Variants in NUP98 observed in about 807,000 individuals in gnomAD.
The protein encoded by NUP98 is nucleoporin 98 and 96 precursor, also known as nuclear pore complex protein Nup98-Nup96.
Under a neutral mutation model 191.9 loss-of-function variants are expected in NUP98, and 26 were observed. The observed-to-expected ratio is 0.14, with a 90% CI of 0.10 to 0.19. The LOEUF (loss-of-function observed/expected upper bound fraction) is 0.19. NUP98 is among the 10% of genes least tolerant of loss of function. The pLI is 1.00. For synonymous variants in NUP98, 808 were observed against 778.4 expected (o/e 1.04, Z -0.63); for missense variants, 1,941 against 2,178.8 (o/e 0.89, Z 2.17).
chr11:3,707,857 T>C (rs1440415508), intron 20 of NUP98, among the ~76,000 whole-genome samples: 1 of 151,852 alleles, frequency 6.6e-6, no homozygotes, highest in East Asian at 1.9e-4. Context: ...TCCCAGCACT[T>C]TGGGAGACTG....
intron 25 of NUP98, among the ~76,000 whole-genome samples, chr11:3,698,765 T>C (rs1302110587): frequency 1.1e-4 from 16 of 148,508 alleles, no homozygotes; most frequent in Non-Finnish European, 2.1e-4. Flanking sequence ...ATGGTTCCTA[T>C]TCTATAGGAA....
intron 1 of NUP98, among the ~76,000 whole-genome samples, chr11:3,785,518 G>A (rs752585262): frequency 2.0e-5 from 3 of 152,170 alleles, no homozygotes; most frequent in Non-Finnish European, 4.4e-5. Flanking sequence ...CAGCACTTTG[G>A]GAGGCCAAGG....
At chr11:3,681,179 T>A (rs1032149502) in intron 30 of NUP98, among the ~76,000 whole-genome samples, 1 of 152,176 alleles carries the variant, frequency 6.6e-6, no homozygotes, top group African/African-American at 2.4e-5. Flanking sequence ...TAGCTGGGAA[T>A]ATAGGCACGC....
rs2080405085 is a variant in NUP98 at position 3,744,268 on chromosome 11, T to C, written c.1408+241A>G. Reference sequence around the variant, plus strand: ...AGCACATTTAGCGATATGAACTAAATTATATATCAGATGAATTAAAAATAG... The same window carrying C: ...AGCACATTTAGCGATATGAACTAAACTATATATCAGATGAATTAAAAATAG... On this transcript the variant is annotated intron_variant, in intron 12 of 32. Coordinates refer to ENST00000324932, the MANE Select transcript of NUP98 (RefSeq NM_016320.5). Among the ~76,000 whole-genome samples the C allele has an allele frequency of 2.0e-5, 3 of 152,144 alleles. No homozygotes were observed. In the South Asian group the frequency reaches 6.2e-4, roughly 31 times the overall value.
rs747503434 is a variant in NUP98, at chr11:3,676,324, A to G, written c.5238T>C (p.His1746=). ...NLLRVVLSLH[H]PPDRTSDSTP... is the part of the protein sequence containing the mutation. ...TTGAGTCGGAGGTTCTATCAGGAGG[A>G]TGATGCAGACTCAGCACCACGCGCA... Residue 1746 remains histidine, a synonymous_variant, in exon 33 of 33, where the codon CAT becomes CAC. Coordinates refer to ENST00000324932, the MANE Select transcript of NUP98 (RefSeq NM_016320.5). The G allele has an allele frequency of 2.5e-6, 4 of 1,614,024 alleles. No homozygotes were observed. In the South Asian group the frequency reaches 4.4e-5, roughly 18 times the overall value.
At chr11:3,758,788 A>T (rs2081064907) in intron 10 of NUP98, among the ~76,000 whole-genome samples, 1 of 148,116 alleles carries the variant, frequency 6.8e-6, no homozygotes, top group Non-Finnish European at 1.5e-5. Context: ...ACAGAGAGAG[A>T]CAGAGAGACA....
intron 12 of NUP98, among the ~76,000 whole-genome samples, chr11:3,743,373 G>A (rs1589856430): frequency 1.3e-5 from 2 of 150,146 alleles, no homozygotes; most frequent in South Asian, 2.1e-4. Flanking sequence ...TCGGCCTGGC[G>A]TGGTGGCTCA....
intron 4 of NUP98, among the ~76,000 whole-genome samples, chr11:3,776,325 A>G (rs1231541700): frequency 1.3e-5 from 2 of 151,300 alleles, no homozygotes; most frequent in East Asian, 2.0e-4. Flanking sequence ...GCCTTTTGCC[A>G]TGTTGCTCGG....
chr11:3,778,821 C>G, intron 4 of NUP98, 52 bp downstream of exon 4: 2 of 1,556,610 alleles, frequency 1.3e-6, no homozygotes, highest in East Asian at 2.2e-5. Context: ...ACAACACATT[C>G]AATAAGCAAA....
chr11:3,783,873 G>A (rs1444327159), intron 1 of NUP98, among the ~76,000 whole-genome samples: 1 of 151,358 alleles, frequency 6.6e-6, no homozygotes, highest in Admixed American at 6.6e-5. Context: ...AAACACCCAA[G>A]AATGATCAAT....
At chr11:3,795,472 G>A (rs2082496817) in intron 1 of NUP98, among the ~76,000 whole-genome samples, 1 of 151,976 alleles carries the variant, frequency 6.6e-6, no homozygotes, top group Non-Finnish European at 1.5e-5. Context: ...ATAAATGTCA[G>A]GGACCAAAGT....
rs2081855820 is a variant in NUP98 at position 3,779,025 on chromosome 11, A to C, written c.203T>G (p.Phe68Cys). 1.2e-6 allele frequency: 2 copies of C among 1,614,230 alleles called. No homozygotes were observed. ...GCTTGTGGAGGTAGCTGGCTGGCTA[A>C]ATGAACTGGTTCCAAACAATCCTCC... The part of the protein sequence containing the change: ...KPGGLFGTSS[F>C]SQPATSTSTG... The change falls in exon 4 of 33, where the codon TTT becomes TGT. Residue 68 changes from phenylalanine to cysteine, a missense_variant. By Grantham distance (205) the Phe-to-Cys change is radical. Coordinates refer to ENST00000324932, the MANE Select transcript of NUP98 (RefSeq NM_016320.5).
chr11:3,714,578 G>A (rs561537563), intron 18 of NUP98, among the ~76,000 whole-genome samples: 20 of 152,034 alleles, frequency 1.3e-4, no homozygotes, highest in East Asian at 3.9e-4. Context: ...CCTGCTTCCC[G>A]GAGCCCCTGG....
intron 14 of NUP98, among the ~76,000 whole-genome samples, chr11:3,728,869 AG>A (rs1485908430): frequency 1.3e-5 from 2 of 152,208 alleles, no homozygotes; most frequent in Non-Finnish European, 2.9e-5. Context: ...ACAGATTCTA[AG>A]TAATTTACAG....
intron 20 of NUP98, among the ~76,000 whole-genome samples, chr11:3,708,083 A>T (rs1377759618): frequency 6.6e-6 from 1 of 152,172 alleles, no homozygotes; most frequent in Non-Finnish European, 1.5e-5. Flanking sequence ...CCTGGGTGAG[A>T]GTTAAACTCC....
chr11:3,676,665 T>C (rs748268912), intron 31 of NUP98, 45 bp from the exon 32 acceptor site: 1 of 1,385,666 alleles, frequency 7.2e-7, no homozygotes, highest in South Asian at 1.2e-5. Flanking sequence ...GGAGTTCCTA[T>C]CACTCCAATC....
chr11:3,767,798 T>C (rs1419369560), intron 8 of NUP98, among the ~76,000 whole-genome samples: 1 of 151,846 alleles, frequency 6.6e-6, no homozygotes, highest in African/African-American at 2.4e-5. Flanking sequence ...AGTATGGCTC[T>C]AAGTCGTAGG....
intron 9 of NUP98, among the ~76,000 whole-genome samples, chr11:3,762,254 C>G (rs1589906947): frequency 6.6e-6 from 1 of 151,318 alleles, no homozygotes; most frequent in African/African-American, 2.4e-5. Flanking sequence ...GTATTACAGG[C>G]ACCCACCACC....
chr11:3,737,317 A>G (rs2080102232), intron 12 of NUP98, among the ~76,000 whole-genome samples: 1 of 127,552 alleles, frequency 7.8e-6, no homozygotes, highest in African/African-American at 3.3e-5. Context: ...AAAAGCAGTA[A>G]TAACAAAAAA....
Sources: allele counts gnomAD v4.1 joint callset (sites outside exome capture counted in the v4.1 genomes callset), GRCh38; gene constraint gnomAD v4.1.1; transcripts MANE v1.5; gene names NCBI Gene and HGNC (gene_info 2026-07-23, HGNC 2026-07-21).